Variants in MUSK observed in about 807,000 individuals in gnomAD.
MUSK encodes muscle, skeletal receptor tyrosine-protein kinase.
Under a neutral mutation model 88.7 loss-of-function variants are expected in MUSK, and 55 were observed. The observed-to-expected ratio is 0.62, with a 90% CI of 0.50 to 0.78. MUSK has a LOEUF of 0.78. Among genes scored for constraint, MUSK ranks in the 30% least tolerant of loss-of-function variants. The probability of loss-of-function intolerance (pLI) is 0.00; values close to 1 mark genes in which losing one functional copy is unlikely to be tolerated. For synonymous variants in MUSK, 387 were observed against 391.9 expected, an observed-to-expected ratio of 0.99 and a Z score of 0.15; for missense variants, 1,015 against 1,074.3, an observed-to-expected ratio of 0.94 and a Z score of 0.77.
Position 110,803,348 on chromosome 9 carries a change from G to A in MUSK, c.*2360G>A, listed in dbSNP as rs933672110. 4.6e-5 allele frequency among the ~76,000 whole-genome samples: 7 copies of A among 152,044 alleles called. No individual in the cohort carries two copies. The highest frequency in any genetic ancestry group is 8.8e-5 in the Non-Finnish European group (6 of 68,018). Reference sequence around the variant, plus strand: ...TTTTGAGACGGAGTCTCGCTCTGTCGCCCAGGCTGGAGTGCAGTGGCACGA... The same window carrying A: ...TTTTGAGACGGAGTCTCGCTCTGTCACCCAGGCTGGAGTGCAGTGGCACGA... On this transcript the variant is annotated 3_prime_UTR_variant, in exon 15 of 15. Transcript: ENST00000374448.
intron 8 of MUSK, among the ~76,000 whole-genome samples, chr9:110,762,689 C>G (rs1471809555): frequency 1.3e-5 from 2 of 152,166 alleles, no homozygotes; most frequent in Non-Finnish European, 2.9e-5. Flanking sequence ...CCTTATAGCT[C>G]TAACCTATAT....
chr9:110,681,881 C>A lies in MUSK; in HGVS notation c.80-793C>A, dbSNP rs995053641. ...ACTACTTATTTGGCTTTGATGTATA[C>A]CTTGCCCTTTAACTGAAGGGACCAT... On this transcript the variant is annotated intron_variant, in intron 1 of 14. Transcript: ENST00000374448. 9.5e-4 allele frequency among the ~76,000 whole-genome samples: 145 copies of A among 151,970 alleles called. 4 individuals carry two copies. Among genetic ancestry groups the A allele is most frequent in the Admixed American group, 9.5e-3 (144 of 15,238 alleles).
intron 14 of MUSK, among the ~76,000 whole-genome samples, chr9:110,788,268 A>G (rs1476248304): frequency 6.6e-6 from 1 of 152,150 alleles, no homozygotes; most frequent in East Asian, 1.9e-4. Context: ...CCAGATTCAT[A>G]AATTCAACAC....
At chr9:110,743,576 T>C (rs911791450) in intron 6 of MUSK, among the ~76,000 whole-genome samples, 1 of 152,242 alleles carries the variant, frequency 6.6e-6, no homozygotes, top group Non-Finnish European at 1.5e-5. Flanking sequence ...TAAAATATTG[T>C]AGAAGTTGAA....
rs370330785 is a variant in MUSK at position 110,691,878 on chromosome 9, C to T, written c.359-3525C>T. 8.8e-4 allele frequency among the ~76,000 whole-genome samples: 134 copies of T among 152,114 alleles called. 3 individuals carry two copies. The South Asian group carries it at 0.022, about 24-fold the overall frequency. ...CACGATTGGAAGTCTTCATTTTGCT[C>T]GCATTGTTGGATAATAATTTTGCTG... On this transcript the variant is annotated intron_variant, in intron 3 of 14. Coordinates refer to ENST00000374448, the MANE Select transcript of MUSK (RefSeq NM_005592.4).
chr9:110,690,062 TTATG>T (rs1424789670), intron 3 of MUSK, among the ~76,000 whole-genome samples: 1 of 94,808 alleles, frequency 1.1e-5, no homozygotes, highest in Non-Finnish European at 1.8e-5. Flanking sequence ...TAAATATATA[TTATG>T]TAAGTATAAA....
intron 11 of MUSK, among the ~76,000 whole-genome samples, chr9:110,779,667 T>C (rs1229018039): frequency 1.3e-5 from 2 of 152,198 alleles, no homozygotes; most frequent in Non-Finnish European, 2.9e-5. Flanking sequence ...TGAGTATAGA[T>C]TAAACTCATG....
At chr9:110,710,850 T>C (rs897018747) in intron 5 of MUSK, among the ~76,000 whole-genome samples, 5 of 152,214 alleles carry the variant, frequency 3.3e-5, no homozygotes, top group Admixed American at 6.5e-5. Context: ...TTGAAAATAC[T>C]GATCCATTCT....
chr9:110,775,924 C>T lies in MUSK; in HGVS notation c.1321C>T (p.His441Tyr), dbSNP rs2077664213. Reference sequence around the variant, plus strand: ...AGAATGCAGCAAGCTTCCCAGCATGCATTGGGACCCCACGGCCTGTGCCAG... The same window carrying T: ...AGAATGCAGCAAGCTTCCCAGCATGTATTGGGACCCCACGGCCTGTGCCAG... ...VPECSKLPSM[H>Y]WDPTACARLP... is the part of the protein sequence containing the mutation. Residue 441 changes from histidine to tyrosine, a missense_variant, in exon 10 of 15, where the codon CAT becomes TAT. His to Tyr is a moderately conservative substitution (Grantham distance 83). Coordinates refer to ENST00000374448, the MANE Select transcript of MUSK (RefSeq NM_005592.4). 6.2e-7 allele frequency: 1 copy of T among 1,613,948 alleles called. No homozygotes were observed. Among genetic ancestry groups the T allele is most frequent in the Non-Finnish European group, 8.5e-7 (1 of 1,179,810 alleles).
At chr9:110,778,539 A>G (rs1588028872) in intron 11 of MUSK, among the ~76,000 whole-genome samples, 1 of 152,148 alleles carries the variant, frequency 6.6e-6, no homozygotes, top group African/African-American at 2.4e-5. Context: ...GACTAGTGTG[A>G]TACATACATT....
At chr9:110,669,059 C>A in intron 1 of MUSK, 76 bp downstream of exon 1, 1 of 1,285,424 alleles carries the variant, frequency 7.8e-7, no homozygotes, top group Non-Finnish European at 1.1e-6. Context: ...ATGACCAAGA[C>A]TGATTTATAG....
At chr9:110,694,090 T>C (rs1273214719) in intron 3 of MUSK, among the ~76,000 whole-genome samples, 1 of 151,570 alleles carries the variant, frequency 6.6e-6, no homozygotes, top group Non-Finnish European at 1.5e-5. Context: ...AATGCTTAGA[T>C]TAAAAACCAA....
chr9:110,723,827 T>G (rs917143342), intron 5 of MUSK, among the ~76,000 whole-genome samples: 1 of 152,040 alleles, frequency 6.6e-6, no homozygotes, highest in African/African-American at 2.4e-5. Context: ...TTTCATGTAT[T>G]GCTTCAAGCC....
intron 1 of MUSK, among the ~76,000 whole-genome samples, chr9:110,670,545 T>C (rs187813666): frequency 1.9e-3 from 288 of 152,332 alleles, no homozygotes; most frequent in African/African-American, 6.6e-3. Context: ...CTAGAAAGAA[T>C]TGATTTTCAT....
At chr9:110,717,805 T>C (rs1294794981) in intron 5 of MUSK, among the ~76,000 whole-genome samples, 1 of 137,452 alleles carries the variant, frequency 7.3e-6, no homozygotes, top group South Asian at 2.2e-4. Flanking sequence ...TCATTGTAAC[T>C]ATAATTCTTT....
chr9:110,680,383 C>CTTTTTTTTTTTTTT (rs11461650), intron 1 of MUSK, among the ~76,000 whole-genome samples: 1 of 141,616 alleles, frequency 7.1e-6, no homozygotes. Context: ...TTCTTTTTTT[C>CTTTTTTTTTTTTTT]TTTTTTTTTT....
intron 11 of MUSK, among the ~76,000 whole-genome samples, chr9:110,781,843 A>G (rs2077766170): frequency 6.6e-6 from 1 of 152,086 alleles, no homozygotes; most frequent in South Asian, 2.1e-4. Flanking sequence ...ACCCTTATTC[A>G]TTTCAACACA....
At chr9:110,750,493 A>G (rs2298492) in intron 7 of MUSK, among the ~76,000 whole-genome samples, 24,514 of 152,026 alleles carry the variant, frequency 0.16, 2,134 homozygotes, top group East Asian at 0.28. Flanking sequence ...AGCCCTCTGC[A>G]TCTCAGCCAA....
At chr9:110,739,754 G>A (rs2077073931) in intron 6 of MUSK, among the ~76,000 whole-genome samples, 1 of 152,070 alleles carries the variant, frequency 6.6e-6, no homozygotes, top group Admixed American at 6.6e-5. Context: ...GTCCCATGGA[G>A]GATACTTTTA....
Sources: allele counts gnomAD v4.1 joint callset (sites outside exome capture counted in the v4.1 genomes callset), GRCh38; gene constraint gnomAD v4.1.1; transcripts MANE v1.5; gene names NCBI Gene and HGNC (gene_info 2026-07-23, HGNC 2026-07-21).